Variants in ENPP1 observed in about 807,000 individuals in gnomAD.
ENPP1 encodes ectonucleotide pyrophosphatase/phosphodiesterase 1.
A neutral mutation model predicts 122.8 loss-of-function variants in ENPP1; 73 were observed. The observed-to-expected ratio is 0.59, with a 90% confidence interval of 0.49 to 0.72. ENPP1 has a LOEUF of 0.72. Ranked by LOEUF, ENPP1 falls within the 30% of genes least tolerant of loss-of-function variation. ENPP1 has a pLI of 0.00. For synonymous variants in ENPP1, 367 were observed against 391.6 expected, an observed-to-expected ratio of 0.94 and a Z score of 0.74; for missense variants, 978 against 1,128.1, an observed-to-expected ratio of 0.87 and a Z score of 1.91.
intron 18 of ENPP1, chr6:131,877,866 A>AAAAAAATATATAT (rs1562183349): frequency 1.1e-4 from 6 of 53,022 alleles, no homozygotes; most frequent in Non-Finnish European, 1.2e-4. Context: ...AAAAAAAAAA[A>AAAAAAATATATAT]ATATATATAT....
chr6:131,872,709 T>C (rs1782177297), intron 14 of ENPP1, among the ~76,000 whole-genome samples: 1 of 152,148 alleles, frequency 6.6e-6, no homozygotes, highest in African/African-American at 2.4e-5. Flanking sequence ...GTGGTTTATT[T>C]AGCTGTTTTT....
chr6:131,813,421 T>C (rs1052247273), intron 1 of ENPP1, among the ~76,000 whole-genome samples: 4 of 151,846 alleles, frequency 2.6e-5, no homozygotes, highest in Non-Finnish European at 4.4e-5. Flanking sequence ...TGCCAACCAC[T>C]TGGGAGGCTG....
chr6:131,863,871 G>A (rs1006824624), intron 9 of ENPP1, among the ~76,000 whole-genome samples: 6 of 151,960 alleles, frequency 3.9e-5, no homozygotes, highest in Non-Finnish European at 7.4e-5. Flanking sequence ...AACTGAGACC[G>A]CGCCACTGCA....
At chr6:131,844,382 A>G (rs1781778617) in intron 1 of ENPP1, among the ~76,000 whole-genome samples, 1 of 152,260 alleles carries the variant, frequency 6.6e-6, no homozygotes, top group Non-Finnish European at 1.5e-5. Context: ...CACTGTGCAA[A>G]TAGCAAGTGC....
chr6:131,867,893 A>G (rs1782109951), intron 11 of ENPP1, 125 bp from the exon 12 acceptor site: 3 of 715,048 alleles, frequency 4.2e-6, no homozygotes, highest in Non-Finnish European at 7.3e-6. Flanking sequence ...TTATCTATCT[A>G]TCTGTCTGTC....
At chr6:131,875,658 T>C (rs1782222673) in intron 16 of ENPP1, 118 bp from the exon 17 acceptor site, 1 of 782,032 alleles carries the variant, frequency 1.3e-6, no homozygotes. Flanking sequence ...AGCGTGGTAG[T>C]TTTCCTCTTA....
intron 1 of ENPP1, among the ~76,000 whole-genome samples, chr6:131,846,721 A>T (rs1293908255): frequency 6.6e-6 from 1 of 152,118 alleles, no homozygotes; most frequent in African/African-American, 2.4e-5. Flanking sequence ...GTCTTTGCGC[A>T]TCATTGGTAC....
At position 131,808,186 on chromosome 6, in the gene ENPP1, G is replaced by T; in HGVS notation, c.151G>T (p.Ala51Ser). ...CCCGCAGGCGGCCGCGTCCTTGCTG[G>T]CCCCTATGGACGTGGGGGAGGAGCC... ...GDPQAAASLL[A>S]PMDVGEEPLE... The change falls in exon 1 of 25, where the codon GCC becomes TCC. Residue 51 changes from alanine (A) to serine (S), a missense_variant. Coordinates refer to ENST00000647893, the MANE Select transcript of ENPP1 (RefSeq NM_006208.3). The T allele has an allele frequency of 2.0e-6, 3 of 1,490,404 alleles. No homozygotes were observed. The highest frequency in any genetic ancestry group is 2.7e-6 in the Non-Finnish European group (3 of 1,119,016). The allele number at this position is 1,490,404 out of a possible 1,614,324, so 92.3% of individuals were successfully genotyped here.
chr6:131,827,801 A>G (rs986880169), intron 1 of ENPP1: 64 of 988,100 alleles, frequency 6.5e-5, no homozygotes, highest in South Asian at 3.8e-5. Flanking sequence ...AGGTGGGGCA[A>G]TGACTGCTTT....
chr6:131,885,305 A>T (rs1782363133), intron 23 of ENPP1, among the ~76,000 whole-genome samples: 1 of 152,182 alleles, frequency 6.6e-6, no homozygotes, highest in African/African-American at 2.4e-5. Flanking sequence ...CAGTTGAATA[A>T]TTTTTGCACT....
At chr6:131,809,348 T>A (rs1781320328) in intron 1 of ENPP1, among the ~76,000 whole-genome samples, 1 of 152,216 alleles carries the variant, frequency 6.6e-6, no homozygotes, top group African/African-American at 2.4e-5. Context: ...CCATTTTCAC[T>A]ATATTTGGGA....
intron 1 of ENPP1, among the ~76,000 whole-genome samples, chr6:131,816,455 G>A (rs933840769): frequency 6.6e-6 from 1 of 152,142 alleles, no homozygotes; most frequent in East Asian, 1.9e-4. Flanking sequence ...CATAAATCTT[G>A]TGCAACAAAA....
intron 1 of ENPP1, chr6:131,820,237 G>A (rs1585792284): frequency 1.1e-5 from 2 of 183,302 alleles, no homozygotes; most frequent in East Asian, 1.5e-4. Context: ...AAGTATAATG[G>A]GATCCTGATA....
chr6:131,893,022 C>T lies in ENPP1; in HGVS notation c.*2511C>T, dbSNP rs1562189344. The T allele has an allele frequency of 6.6e-6, 1 of 152,124 alleles. No individual in the cohort carries two copies. The highest frequency in any genetic ancestry group is 2.4e-5 in the African/African-American group (1 of 41,414). The allele number at this position is 152,124 out of a possible 1,614,324, so 9.4% of individuals were successfully genotyped here. On this transcript the variant is annotated 3_prime_UTR_variant, in exon 25 of 25. Transcript: ENST00000647893. ...TCATCACAGTGTTGTTACTTGGGCC[C>T]CAATGTTCCTAGCCTATTTTCTGTC...
chr6:131,835,686 A>C (rs1781665049), intron 1 of ENPP1, among the ~76,000 whole-genome samples: 1 of 152,142 alleles, frequency 6.6e-6, no homozygotes, highest in Non-Finnish European at 1.5e-5. Flanking sequence ...TATTAAGCCC[A>C]GCATCCATTA....
intron 16 of ENPP1, among the ~76,000 whole-genome samples, chr6:131,875,398 T>C (rs750517650): frequency 8.1e-4 from 124 of 152,284 alleles, no homozygotes; most frequent in Middle Eastern, 3.4e-3. Context: ...GATAATATCT[T>C]ACATTTACCC....
At chr6:131,867,927 C>CTT (rs879176917) in intron 11 of ENPP1, 91 bp from the exon 12 acceptor site, 669 of 736,680 alleles carry the variant, frequency 9.1e-4, no homozygotes, top group South Asian at 3.6e-3. Context: ...TTGTTTCTTT[C>CTT]TTTTTTTTTT....
At chr6:131,835,707 C>T in intron 1 of ENPP1, among the ~76,000 whole-genome samples, 1 of 152,120 alleles carries the variant, frequency 6.6e-6, no homozygotes, top group Middle Eastern at 3.2e-3. Flanking sequence ...GCTATTCTTC[C>T]TGATGCTTTC....
chr6:131,886,754 T>C (rs1214729301), intron 24 of ENPP1, 30 bp downstream of exon 24: 1 of 1,601,716 alleles, frequency 6.2e-7, no homozygotes, highest in East Asian at 2.2e-5. Context: ...TTACTTTGCA[T>C]GTTGAAAATC....
Sources: gnomAD v4.1 joint callset for allele counts (sites outside exome capture counted in the v4.1 genomes callset) on GRCh38, gnomAD v4.1.1 for gene constraint, MANE v1.5 for transcripts, NCBI Gene and HGNC (gene_info 2026-07-23, HGNC 2026-07-21) for gene names.